The following DTNBP1 variants were observed in gnomAD, a reference collection of about 807,000 sequenced individuals.
The protein encoded by DTNBP1 is dystrobrevin binding protein 1.
Under a neutral mutation model 42.8 loss-of-function variants are expected in DTNBP1, and 35 were observed. The observed-to-expected ratio is 0.82, with a 90% confidence interval of 0.63 to 1.09. The LOEUF (loss-of-function observed/expected upper bound fraction) is 1.09. Among genes scored for constraint, DTNBP1 ranks in the 50% least tolerant of loss-of-function variants. The pLI is 0.00. For missense variants in DTNBP1, 457 were observed against 424.2 expected (o/e 1.08, Z -0.68); for synonymous variants, 171 against 162.2 (o/e 1.05, Z -0.41).
At chr6:15,592,937 T>C in intron 7 of DTNBP1, 122 bp downstream of exon 7, 1 of 1,025,816 alleles carries the variant, frequency 9.7e-7, no homozygotes, top group Non-Finnish European at 1.4e-6. Flanking sequence ...AAAAACAGTA[T>C]TAAGTTTTAC....
chr6:15,617,849 G>A (rs1050848480), intron 5 of DTNBP1, among the ~76,000 whole-genome samples: 1 of 152,000 alleles, frequency 6.6e-6, no homozygotes, highest in African/African-American at 2.4e-5. Context: ...CAAGACACAA[G>A]CGACAAAAGC....
At chr6:15,550,891 A>G (rs1405244570) in intron 7 of DTNBP1, among the ~76,000 whole-genome samples, 1 of 152,168 alleles carries the variant, frequency 6.6e-6, no homozygotes, top group African/African-American at 2.4e-5. Context: ...CTGCATGAGG[A>G]AGGTCGGAGC....
intron 7 of DTNBP1, among the ~76,000 whole-genome samples, chr6:15,590,834 T>C (rs1273386024): frequency 6.6e-6 from 1 of 152,202 alleles, no homozygotes; most frequent in Non-Finnish European, 1.5e-5. Flanking sequence ...GTGGATGATA[T>C]TAATCTACAT....
chr6:15,627,436 C>T lies in DTNBP1; in HGVS notation c.262G>A (p.Glu88Lys), dbSNP rs779776238. The T allele has an allele frequency of 6.2e-7, 1 of 1,613,948 alleles. No homozygotes were observed. ...TCCACGAGGCTTGTCTTTTTCTTCT[C>T]CCAGTGCGCAGAAAGCATGACCACC... ...SEVVMLSAHW[E>K]KKKTSLVELQ... The change falls in exon 5 of 10, where the codon GAG (glutamate) becomes AAG (lysine). Residue 88 changes from glutamate (E) to lysine (K), a missense_variant. Physicochemically the swap from Glu to Lys is moderately conservative, Grantham distance 56. Coordinates refer to ENST00000344537, the MANE Select transcript of DTNBP1 (RefSeq NM_032122.5).
chr6:15,616,751 C>T (rs899448670), intron 5 of DTNBP1, among the ~76,000 whole-genome samples: 2 of 152,110 alleles, frequency 1.3e-5, no homozygotes, highest in East Asian at 3.9e-4. Context: ...AAATTTTTGC[C>T]GTTTTTTGAA....
At chr6:15,580,971 C>T (rs1775801734) in intron 7 of DTNBP1, among the ~76,000 whole-genome samples, 1 of 152,068 alleles carries the variant, frequency 6.6e-6, no homozygotes, top group African/African-American at 2.4e-5. Context: ...CAATCAGCTA[C>T]CACGAAAAGA....
In DTNBP1 at chr6:15,637,789, C is replaced by T. The variant is rs727502866; in HGVS notation, c.177G>A (p.Trp59Ter). The T allele has an allele frequency of 3.7e-6, 6 of 1,613,412 alleles. No homozygotes were observed. The highest frequency in any genetic ancestry group is 5.1e-6 in the Non-Finnish European group (6 of 1,179,982). The change falls in exon 4 of 10, where the codon TGG becomes TGA. Residue 59 changes from tryptophan to a stop codon, truncating the protein, a stop_gained. Transcript: ENST00000344537. LOFTEE classifies it high-confidence loss of function. The part of the protein sequence containing the change: ...LELLSRYEDT[W>*]AALHRRAKDC... Reference sequence around the variant, plus strand: ...CTTTGGCTCTTCTGTGAAGTGCAGCCCATGTATCCTCATACCTAAAAAAAA... The same window carrying T: ...CTTTGGCTCTTCTGTGAAGTGCAGCTCATGTATCCTCATACCTAAAAAAAA...
Position 15,584,712 on chromosome 6 carries a change from T to TC in DTNBP1, c.511+8346_511+8347insG, listed in dbSNP as rs1252979643. On this transcript the variant is annotated intron_variant, in intron 7 of 9. Transcript: ENST00000344537. The stretch of plus-strand genomic sequence containing the variant: ...GAGAGACAACATGTATTTCTTTTTT[T>TC]TTTTTTTTTTTTTTTTCATTTACAG... Among the ~76,000 whole-genome samples the TC allele has an allele frequency of 4.9e-3, 717 of 146,686 alleles. 3 individuals carry two copies. Among genetic ancestry groups the TC allele is most frequent in the Non-Finnish European group, 7.9e-3 (523 of 66,452 alleles).
chr6:15,543,913 T>C (rs1773725353), intron 7 of DTNBP1, among the ~76,000 whole-genome samples: 1 of 152,230 alleles, frequency 6.6e-6, no homozygotes, highest in Non-Finnish European at 1.5e-5. Context: ...CAGTAGGAGC[T>C]AGCGGCATTA....
intron 7 of DTNBP1, among the ~76,000 whole-genome samples, chr6:15,569,092 G>T (rs1166518733): frequency 2.6e-5 from 4 of 152,158 alleles, no homozygotes; most frequent in Non-Finnish European, 4.4e-5. Context: ...TAATTAAACT[G>T]TAATCAGGCT....
chr6:15,618,074 C>T (rs922220420), intron 5 of DTNBP1, among the ~76,000 whole-genome samples: 1 of 152,018 alleles, frequency 6.6e-6, no homozygotes, highest in Non-Finnish European at 1.5e-5. Flanking sequence ...TTCAGAGGAA[C>T]CTCCATACTA....
At chr6:15,549,491 T>TAAAAAAA (rs1171397685) in intron 7 of DTNBP1, among the ~76,000 whole-genome samples, 1 of 77,952 alleles carries the variant, frequency 1.3e-5, no homozygotes, top group Non-Finnish European at 2.6e-5. Context: ...TCTCAGGGAT[T>TAAAAAAA]AAAAAAAAAA....
chr6:15,525,120 C>A (rs1302166138), intron 8 of DTNBP1, among the ~76,000 whole-genome samples: 3 of 152,246 alleles, frequency 2.0e-5, no homozygotes, highest in African/African-American at 7.2e-5. Context: ...GGCCTTGGAA[C>A]ATTTCTCGGG....
chr6:15,553,810 G>C (rs921887013), intron 7 of DTNBP1, among the ~76,000 whole-genome samples: 2 of 151,896 alleles, frequency 1.3e-5, no homozygotes, highest in African/African-American at 4.8e-5. Context: ...GCACTGTGGC[G>C]TATTAGATAT....
intron 8 of DTNBP1, 110 bp downstream of exon 8, chr6:15,533,130 G>T: frequency 6.5e-7 from 1 of 1,540,176 alleles, no homozygotes; most frequent in Non-Finnish European, 8.8e-7. Flanking sequence ...TCTCATAACA[G>T]AACGGAACTT....
chr6:15,656,558 T>A (rs1458807676), intron 1 of DTNBP1, among the ~76,000 whole-genome samples: 1 of 152,100 alleles, frequency 6.6e-6, no homozygotes, highest in Non-Finnish European at 1.5e-5. Flanking sequence ...TAAATAAGCC[T>A]GGGCAACATG....
intron 4 of DTNBP1, among the ~76,000 whole-genome samples, chr6:15,627,991 G>C (rs1038722982): frequency 6.6e-6 from 1 of 152,138 alleles, no homozygotes; most frequent in Non-Finnish European, 1.5e-5. Context: ...GAATTTTGAG[G>C]AAACTGGCCA....
chr6:15,599,803 T>C (rs1581378236), intron 6 of DTNBP1, among the ~76,000 whole-genome samples: 1 of 152,328 alleles, frequency 6.6e-6, no homozygotes, highest in East Asian at 1.9e-4. Context: ...AAATCTTTAT[T>C]ACAAATTTAA....
chr6:15,642,412 C>T (rs1437509812), intron 3 of DTNBP1, among the ~76,000 whole-genome samples: 1 of 152,228 alleles, frequency 6.6e-6, no homozygotes, highest in Non-Finnish European at 1.5e-5. Flanking sequence ...GCACACCCCA[C>T]AGGATCTCTT....
Sources: allele counts gnomAD v4.1 joint callset (sites outside exome capture counted in the v4.1 genomes callset), GRCh38; gene constraint gnomAD v4.1.1; transcripts MANE v1.5; gene names NCBI Gene and HGNC (gene_info 2026-07-23, HGNC 2026-07-21).